GRID1: variants seen among roughly 807,000 people sequenced by gnomAD.
GRID1 encodes glutamate receptor ionotropic, delta-1.
A neutral mutation model predicts 98.0 loss-of-function variants in GRID1; 28 were observed. That is an observed-to-expected ratio of 0.29 (90% CI 0.21 to 0.39). The LOEUF (loss-of-function observed/expected upper bound fraction) is 0.39, where lower values mean the gene tolerates loss of function less well. GRID1 is among the 10% of genes least tolerant of loss of function. The probability of loss-of-function intolerance (pLI) is 1.00; values close to 1 mark genes in which losing one functional copy is unlikely to be tolerated. For synonymous variants in GRID1, 553 were observed against 538.5 expected (o/e 1.03, Z -0.37); for missense variants, 1,111 against 1,340.5 (o/e 0.83, Z 2.67).
At chr10:85,689,123 T>C (rs142492830) in intron 12 of GRID1, among the ~76,000 whole-genome samples, 155 of 152,314 alleles carry the variant, frequency 1.0e-3, no homozygotes, top group Middle Eastern at 3.4e-3. Flanking sequence ...CGCACAACTC[T>C]CCCAACTTCC....
intron 4 of GRID1, among the ~76,000 whole-genome samples, chr10:86,065,848 C>T (rs1426558099): frequency 6.6e-6 from 1 of 152,200 alleles, no homozygotes; most frequent in African/African-American, 2.4e-5. Flanking sequence ...ATCTGTTAAT[C>T]ACTCAAGATC....
chr10:85,727,832 CT>C, intron 10 of GRID1, 22 bp downstream of exon 10: 1 of 1,586,230 alleles, frequency 6.3e-7, no homozygotes, highest in East Asian at 2.2e-5. Context: ...GCCCCTCCCC[CT>C]GGATCTGCTA....
At chr10:85,855,941 C>G in intron 7 of GRID1, 88 bp downstream of exon 7, 1 of 1,243,488 alleles carries the variant, frequency 8.0e-7, no homozygotes, top group Non-Finnish European at 1.2e-6. Flanking sequence ...CAGAGCCTAG[C>G]TTCAGGCCAG....
At position 85,912,612 on chromosome 10, in the gene GRID1, C is replaced by T. The variant is rs183190782; in HGVS notation, c.780+3574G>A. Among the ~76,000 whole-genome samples, 315 of 152,336 alleles carry T rather than the reference C, an allele frequency of 2.1e-3. 2 individuals carry two copies. The highest frequency in any genetic ancestry group is 6.6e-3 in the African/African-American group (275 of 41,576). Reference sequence around the variant, plus strand: ...GGGAGCTGGGGGCACAGCTGGAGGGCCATGCTGGAGGCCCCAGAGACACCT... The same window carrying T: ...GGGAGCTGGGGGCACAGCTGGAGGGTCATGCTGGAGGCCCCAGAGACACCT... On this transcript the variant is annotated intron_variant, in intron 5 of 15. Coordinates refer to ENST00000327946, the MANE Select transcript of GRID1 (RefSeq NM_017551.3).
At chr10:85,645,177 T>C (rs572844568) in intron 13 of GRID1, among the ~76,000 whole-genome samples, 10 of 152,338 alleles carry the variant, frequency 6.6e-5, no homozygotes, top group African/African-American at 2.4e-4. Context: ...GCAGTGCTTT[T>C]TTTTTTAGCA....
chr10:86,083,322 G>A (rs1038334224), intron 4 of GRID1, among the ~76,000 whole-genome samples: 2 of 152,168 alleles, frequency 1.3e-5, no homozygotes, highest in Non-Finnish European at 2.9e-5. Flanking sequence ...TGGCCACCTG[G>A]GAGCTCCATG....
At chr10:86,132,514 AG>A (rs756292325) in intron 4 of GRID1, among the ~76,000 whole-genome samples, 1 of 152,260 alleles carries the variant, frequency 6.6e-6, no homozygotes, top group Non-Finnish European at 1.5e-5. Flanking sequence ...ATGCAAATGC[AG>A]GGCCATATTC....
chr10:85,897,521 T>A (rs1841310418), intron 5 of GRID1, among the ~76,000 whole-genome samples: 2 of 152,122 alleles, frequency 1.3e-5, no homozygotes, highest in Non-Finnish European at 1.5e-5. Flanking sequence ...TCTCTCATGC[T>A]CGGAAAACAT....
At chr10:86,333,016 C>T (rs1848170347) in intron 2 of GRID1, among the ~76,000 whole-genome samples, 1 of 152,230 alleles carries the variant, frequency 6.6e-6, no homozygotes, top group Admixed American at 6.5e-5. Context: ...AGCTTCAAAT[C>T]CTTCCAGCTC....
intron 4 of GRID1, among the ~76,000 whole-genome samples, chr10:86,066,270 G>T (rs1843719186): frequency 6.6e-6 from 1 of 152,154 alleles, no homozygotes; most frequent in Non-Finnish European, 1.5e-5. Flanking sequence ...TCCGACCCAA[G>T]GACCTGCCAG....
At chr10:85,643,005 C>T (rs1843141810) in intron 13 of GRID1, among the ~76,000 whole-genome samples, 1 of 152,086 alleles carries the variant, frequency 6.6e-6, no homozygotes, top group African/African-American at 2.4e-5. Context: ...GTTCTGATAC[C>T]GTGGACAAGT....
intron 3 of GRID1, among the ~76,000 whole-genome samples, chr10:86,167,150 C>G (rs749310816): frequency 5.9e-5 from 9 of 152,218 alleles, no homozygotes; most frequent in Non-Finnish European, 7.3e-5. Context: ...GGTTTTTCCA[C>G]AGTTCTGAGA....
Position 86,200,137 on chromosome 10 carries a change from C to T in GRID1, c.520+6227G>A, listed in dbSNP as rs974796611. Among the ~76,000 whole-genome samples, 7 of 152,242 alleles carry T rather than the reference C, an allele frequency of 4.6e-5. No individual in the cohort carries two copies. In the East Asian group the frequency reaches 7.7e-4, roughly 17 times the overall value. The stretch of plus-strand genomic sequence containing the variant: ...CCCTCTGCTTAGAACACTCTTCCTA[C>T]AGCCCTCAGTGCCCTTTGCTTGCCT... On this transcript the variant is annotated intron_variant, in intron 3 of 15. Transcript: ENST00000327946.
At chr10:85,961,607 C>T (rs1842268400) in intron 4 of GRID1, among the ~76,000 whole-genome samples, 1 of 150,668 alleles carries the variant, frequency 6.6e-6, no homozygotes, top group Non-Finnish European at 1.5e-5. Context: ...CTCCTTCTTT[C>T]ATTCCTTCCT....
At chr10:86,116,106 A>T in intron 4 of GRID1, among the ~76,000 whole-genome samples, 1 of 152,134 alleles carries the variant, frequency 6.6e-6, no homozygotes, top group Non-Finnish European at 1.5e-5. Context: ...TACAATGATG[A>T]CATCGCCTAA....
chr10:86,172,096 T>C (rs1845497309), intron 3 of GRID1, among the ~76,000 whole-genome samples: 1 of 152,118 alleles, frequency 6.6e-6, no homozygotes, highest in East Asian at 1.9e-4. Flanking sequence ...CAATCTAATT[T>C]CAGAACTTTC....
intron 4 of GRID1, among the ~76,000 whole-genome samples, chr10:86,113,602 T>C (rs1002426354): frequency 1.3e-5 from 2 of 152,132 alleles, no homozygotes; most frequent in African/African-American, 4.8e-5. Context: ...CTCTCTCACA[T>C]AAAATGCAAG....
At chr10:86,299,181 G>A (rs1410168246) in intron 2 of GRID1, among the ~76,000 whole-genome samples, 2 of 144,682 alleles carry the variant, frequency 1.4e-5, no homozygotes, top group Non-Finnish European at 3.0e-5. Context: ...AGCTTTCCAT[G>A]TGGGCAATAA....
chr10:85,724,781 G>T, intron 10 of GRID1, 105 bp from the exon 11 acceptor site: 1 of 849,068 alleles, frequency 1.2e-6, no homozygotes, highest in Non-Finnish European at 1.8e-6. Flanking sequence ...TCTGTTCAGA[G>T]GAATGGATTT....
Sources: gnomAD v4.1 joint callset for allele counts (sites outside exome capture counted in the v4.1 genomes callset) on GRCh38, gnomAD v4.1.1 for gene constraint, MANE v1.5 for transcripts, NCBI Gene and HGNC (gene_info 2026-07-23, HGNC 2026-07-21) for gene names.